IQCH: variants seen among roughly 807,000 people sequenced by gnomAD.
The protein encoded by IQCH is IQ motif containing H.
In IQCH, 98 loss-of-function variants were observed where a neutral mutation model predicts 117.0. The observed-to-expected ratio is 0.84, with a 90% CI of 0.71 to 0.99. The LOEUF is 0.99. IQCH is among the 50% of genes least tolerant of loss of function. The pLI, the probability that IQCH is intolerant of heterozygous loss-of-function variation, is 0.00. For synonymous variants in IQCH, 412 were observed against 448.2 expected, an observed-to-expected ratio of 0.92 and a Z score of 1.02; for missense variants, 1,102 against 1,243.8, an observed-to-expected ratio of 0.89 and a Z score of 1.72.
Position 67,430,977 on chromosome 15 carries a change from GA to G in IQCH, c.2505+9401del, listed in dbSNP as rs1186360020. On this transcript the variant is annotated intron_variant, in intron 16 of 20. Transcript: ENST00000335894. This position sits in a 1 kb window ranked among gnomAD's most constrained non-coding sequence, Gnocchi z 5.1. ...TCTACATGCATTCAGACAAGAGAAA[GA>G]TCCCTTCTGTTGGGAGCAATCAAGA... Among the ~76,000 whole-genome samples the G allele has an allele frequency of 6.6e-6, 1 of 152,194 alleles. No homozygotes were observed. The highest frequency in any genetic ancestry group is 1.5e-5 in the Non-Finnish European group (1 of 68,036).
chr15:67,418,843 G>A (rs1218154653), intron 15 of IQCH, among the ~76,000 whole-genome samples: 1 of 151,748 alleles, frequency 6.6e-6, no homozygotes, highest in African/African-American at 2.4e-5. Flanking sequence ...CTCCCGAAGT[G>A]CTGGGATTAC....
At chr15:67,378,495 G>A (rs563874287) in intron 10 of IQCH, among the ~76,000 whole-genome samples, 8 of 149,026 alleles carry the variant, frequency 5.4e-5, no homozygotes, top group African/African-American at 1.7e-4. Context: ...AGACTTCCCA[G>A]ACAGCATTTC....
In IQCH at chr15:67,390,066, C is replaced by G. The variant is rs1462770870; in HGVS notation, c.1632+1060C>G. Among the ~76,000 whole-genome samples, 3 of 152,116 alleles carry G rather than the reference C, an allele frequency of 2.0e-5. No homozygotes were observed. Among genetic ancestry groups the G allele is most frequent in the Non-Finnish European group, 4.4e-5 (3 of 68,008 alleles). On this transcript the variant is annotated intron_variant, in intron 12 of 20. Coordinates refer to ENST00000335894, the MANE Select transcript of IQCH (RefSeq NM_001031715.3). This position sits in a 1 kb window ranked among gnomAD's most constrained non-coding sequence, Gnocchi z 5.0. ...AGTATTCCCCTAAAAACCCTCTGCT[C>G]AGTTTTGTTTCATTGGCACTTCTGA...
At chr15:67,444,402 A>T (rs186511147) in intron 16 of IQCH, among the ~76,000 whole-genome samples, 1 of 152,232 alleles carries the variant, frequency 6.6e-6, no homozygotes, top group African/African-American at 2.4e-5. Flanking sequence ...TTGAAAACAG[A>T]CACCACAAGA....
At chr15:67,421,726 A>G (rs188221851) in intron 16 of IQCH, 149 bp downstream of exon 16, 2 of 781,318 alleles carry the variant, frequency 2.6e-6, no homozygotes, top group Non-Finnish European at 4.1e-6. Flanking sequence ...TATATGGCCC[A>G]TGCGAATCCA....
rs1971766754 is a variant in IQCH, at chr15:67,403,756, A to G, written c.2097+3451A>G. 1 of 152,180 alleles carries G rather than the reference A, an allele frequency of 6.6e-6. No homozygotes were observed. Among genetic ancestry groups the G allele is most frequent in the Non-Finnish European group, 1.5e-5 (1 of 68,040 alleles). 9.4% of individuals were successfully genotyped at this position (152,180 alleles called of 1,614,324 possible). A position where few individuals can be genotyped will look rare whatever the true frequency, so the allele number is the denominator to read the frequency against. ...TTTAGGGAGACCCAGGCAGACATTT[A>G]CTGTGGTACCAGTCCTTGTGGCTTT... is the stretch of plus-strand genomic sequence containing the variant. On this transcript the variant is annotated intron_variant, in intron 14 of 20. Coordinates refer to ENST00000335894, the MANE Select transcript of IQCH (RefSeq NM_001031715.3). This position sits in a 1 kb window ranked among gnomAD's most constrained non-coding sequence, Gnocchi z 4.8.
At chr15:67,410,028 G>A (rs1015220683) in intron 14 of IQCH, among the ~76,000 whole-genome samples, 1 of 152,190 alleles carries the variant, frequency 6.6e-6, no homozygotes, top group Non-Finnish European at 1.5e-5. Flanking sequence ...TCTAAAGAGG[G>A]ACTATTTCTA....
chr15:67,468,624 CTGAAA>C (rs1292369449), intron 17 of IQCH, among the ~76,000 whole-genome samples: 4 of 152,204 alleles, frequency 2.6e-5, no homozygotes, highest in East Asian at 1.9e-4. Context: ...TGCTTCGTAA[CTGAAA>C]TAAGAACCTC....
chr15:67,294,812 C>T (rs989845189), intron 4 of IQCH, among the ~76,000 whole-genome samples: 6 of 152,204 alleles, frequency 3.9e-5, no homozygotes, highest in Non-Finnish European at 2.9e-5. Context: ...CTAACTGATT[C>T]AGTGGTTCAG....
At chr15:67,294,714 C>G (rs1465502415) in intron 4 of IQCH, among the ~76,000 whole-genome samples, 1 of 152,252 alleles carries the variant, frequency 6.6e-6, no homozygotes, top group East Asian at 1.9e-4. Context: ...AGTGGCTTCT[C>G]TGAGCAGCTG....
At chr15:67,321,431 C>CTTCTT (rs1011367190) in intron 4 of IQCH, among the ~76,000 whole-genome samples, 2 of 151,822 alleles carry the variant, frequency 1.3e-5, no homozygotes, top group Admixed American at 1.3e-4. Context: ...TCCTTCCTTC[C>CTTCTT]TTCTTTTCTT....
intron 15 of IQCH, chr15:67,421,072 C>T (rs758957376): frequency 1.2e-4 from 66 of 567,508 alleles, no homozygotes; most frequent in Middle Eastern, 9.5e-4. Context: ...ATATACCAAG[C>T]GCTGGGCTGA....
chr15:67,404,373 A>G lies in IQCH; in HGVS notation c.2097+4068A>G, dbSNP rs1017129819. On this transcript the variant is annotated intron_variant, in intron 14 of 20. Transcript: ENST00000335894. This position sits in a 1 kb window ranked among gnomAD's most constrained non-coding sequence, Gnocchi z 4.6. The stretch of plus-strand genomic sequence containing the variant: ...ATTGTGAAGACCTCTGTCCATTCAG[A>G]ATGGCCCTGGAACTAGGTCACAGGA... 8.5e-5 allele frequency: 13 copies of G among 152,308 alleles called. No individual in the cohort carries two copies. Among genetic ancestry groups the G allele is most frequent in the African/African-American group, 2.6e-4 (11 of 41,568 alleles). The allele number at this position is 152,308 out of a possible 1,614,324, so 9.4% of individuals were successfully genotyped here.
At position 67,340,426 on chromosome 15, in the gene IQCH, C is replaced by CAAAAAAAAAAAAAAAAAAAAAAA. The variant is rs57244130; in HGVS notation, c.508+3347_508+3369dup. On this transcript the variant is annotated intron_variant, in intron 5 of 20. Coordinates refer to ENST00000335894, the MANE Select transcript of IQCH (RefSeq NM_001031715.3). ...TGGGCAACAGAGAGATACTCCATCT[C>CAAAAAAAAAAAAAAAAAAAAAAA]AAAAAAAAAAAAAAAAAAAAAAAAA... Among the ~76,000 whole-genome samples, 11 of 62,658 alleles carry CAAAAAAAAAAAAAAAAAAAAAAA rather than the reference C, an allele frequency of 1.8e-4. 1 individual carries two copies. The highest frequency in any genetic ancestry group is 3.2e-4 in the African/African-American group (5 of 15,444). The allele number at this position is 62,658 out of a possible 152,430, so 41.1% of individuals were successfully genotyped here.
chr15:67,324,782 A>G (rs1968330031), intron 4 of IQCH, among the ~76,000 whole-genome samples: 1 of 152,064 alleles, frequency 6.6e-6, no homozygotes, highest in Non-Finnish European at 1.5e-5. Context: ...TTATTCACAT[A>G]ATTGATCCTC....
At chr15:67,311,140 G>C (rs1967574503) in intron 4 of IQCH, among the ~76,000 whole-genome samples, 1 of 152,002 alleles carries the variant, frequency 6.6e-6, no homozygotes, top group South Asian at 2.1e-4. Flanking sequence ...AGGGGAGTCA[G>C]GATTCAAATT....
chr15:67,443,971 C>T lies in IQCH; in HGVS notation c.2506-21156C>T, dbSNP rs2082337438. Among the ~76,000 whole-genome samples the T allele has an allele frequency of 6.6e-6, 1 of 152,310 alleles. No individual in the cohort carries two copies. The highest frequency in any genetic ancestry group is 1.9e-4 in the East Asian group (1 of 5,188). On this transcript the variant is annotated intron_variant, in intron 16 of 20. Coordinates refer to ENST00000335894, the MANE Select transcript of IQCH (RefSeq NM_001031715.3). This position sits in a 1 kb window ranked among gnomAD's most constrained non-coding sequence, Gnocchi z 5.0. ...GGCCACATGAACAGCTATTATGTGG[C>T]AAATCCAGGGTTCAGACTGTGACTT...
At chr15:67,260,786 G>A (rs1567044445) in intron 1 of IQCH, among the ~76,000 whole-genome samples, 1 of 152,092 alleles carries the variant, frequency 6.6e-6, no homozygotes, top group South Asian at 2.1e-4. Context: ...CAATAATAGA[G>A]CATTCTCAAT....
chr15:67,325,746 T>A, intron 4 of IQCH, among the ~76,000 whole-genome samples: 1 of 152,156 alleles, frequency 6.6e-6, no homozygotes, highest in South Asian at 2.1e-4. Context: ...CAACTTAATA[T>A]TTAATATGTT....
Sources: allele counts gnomAD v4.1 joint callset (sites outside exome capture counted in the v4.1 genomes callset), GRCh38; gene constraint gnomAD v4.1.1; non-coding constraint Gnocchi (gnomAD v3.1); transcripts MANE v1.5; gene names NCBI Gene and HGNC (gene_info 2026-07-23, HGNC 2026-07-21).